Variants in SOX5 observed in about 807,000 individuals in gnomAD.
The protein encoded by SOX5 is SRY-box transcription factor 5.
SOX5 carries 9 observed loss-of-function variants against 92.0 expected under a neutral mutation model. The ratio of observed to expected loss-of-function variants is 0.10; its 90% confidence interval spans 0.06 to 0.17. SOX5 has a LOEUF of 0.17. SOX5 is among the 10% of genes least tolerant of loss of function. The pLI is 1.00. For synonymous variants in SOX5, 344 were observed against 336.3 expected, an observed-to-expected ratio of 1.02 and a Z score of -0.25; for missense variants, 642 against 944.5, an observed-to-expected ratio of 0.68 and a Z score of 4.20.
intron 4 of SOX5, among the ~76,000 whole-genome samples, chr12:24,116,060 CAAAGT>C (rs1320154050): frequency 1.3e-5 from 2 of 151,886 alleles, no homozygotes; most frequent in African/African-American, 4.8e-5. Context: ...GATTGAGAAG[CAAAGT>C]AAAGTAATAT....
chr12:24,483,118 T>C (rs1416759044), intron 1 of SOX5, among the ~76,000 whole-genome samples: 1 of 152,212 alleles, frequency 6.6e-6, no homozygotes, highest in Admixed American at 6.5e-5. Context: ...AACAAACCAC[T>C]CATTTGTTGA....
intron 2 of SOX5, among the ~76,000 whole-genome samples, chr12:24,353,289 G>A (rs776741243): frequency 1.3e-5 from 2 of 152,110 alleles, no homozygotes; most frequent in Non-Finnish European, 2.9e-5. Context: ...CCCTTTACTC[G>A]AACAACTGGG....
rs191672841 is a variant in SOX5, at chr12:23,529,603, C to A, written c.*4616G>T. ...AAATAAAATAAACAAAAAACAAAAA[C>A]GAAAAACAGGTTGGTGGCAACCCAC... On this transcript the variant is annotated 3_prime_UTR_variant, in exon 15 of 15. Transcript: ENST00000451604. 2.0e-5 allele frequency: 3 copies of A among 151,740 alleles called. No homozygotes were observed. The highest frequency in any genetic ancestry group is 4.4e-5 in the Non-Finnish European group (3 of 67,942). 9.4% of individuals were successfully genotyped at this position (151,740 alleles called of 1,614,324 possible).
intron 2 of SOX5, among the ~76,000 whole-genome samples, chr12:23,868,220 T>A (rs925353312): frequency 1.3e-5 from 2 of 152,076 alleles, no homozygotes; most frequent in African/African-American, 4.8e-5. Context: ...GTACATGCAA[T>A]GAACTGTTCT....
At chr12:24,391,237 C>G (rs185020273) in intron 1 of SOX5, among the ~76,000 whole-genome samples, 218 of 152,150 alleles carry the variant, frequency 1.4e-3, no homozygotes, top group Middle Eastern at 6.8e-3. Context: ...AAAAACGTTT[C>G]TTCATGTCCT....
intron 6 of SOX5, among the ~76,000 whole-genome samples, chr12:23,669,640 T>C (rs995739867): frequency 6.8e-4 from 74 of 109,356 alleles, no homozygotes; most frequent in African/African-American, 2.5e-3. Flanking sequence ...GAGTAATGGA[T>C]GAGGAGAAAA....
chr12:23,840,318 C>A (rs1485555773), intron 3 of SOX5, among the ~76,000 whole-genome samples: 1 of 152,068 alleles, frequency 6.6e-6, no homozygotes, highest in Non-Finnish European at 1.5e-5. Flanking sequence ...CTACAAAACT[C>A]ACCAGGAATC....
At chr12:24,176,273 G>A (rs1321185161) in intron 4 of SOX5, among the ~76,000 whole-genome samples, 1 of 151,992 alleles carries the variant, frequency 6.6e-6, no homozygotes, top group Non-Finnish European at 1.5e-5. Context: ...AGACTGCAGT[G>A]AGCCATGATC....
In SOX5 at chr12:23,692,642, T is replaced by C. The variant is rs1013188300; in HGVS notation, c.811-27078A>G. 5.9e-5 allele frequency among the ~76,000 whole-genome samples: 9 copies of C among 152,314 alleles called. 2 individuals carry two copies. The highest frequency in any genetic ancestry group is 1.5e-5 in the Non-Finnish European group (1 of 68,026). ...ATTTCGTTTCTAAATACTTATCTTC[T>C]AAATACTCAGTGCAGAGTTAGGTAG... On this transcript the variant is annotated intron_variant, in intron 6 of 14. Coordinates refer to ENST00000451604, the MANE Select transcript of SOX5 (RefSeq NM_006940.6).
At chr12:23,963,771 A>AAAAT (rs1947235658) in intron 4 of SOX5, among the ~76,000 whole-genome samples, 1 of 151,328 alleles carries the variant, frequency 6.6e-6, no homozygotes, top group Non-Finnish European at 1.5e-5. Context: ...GAAGTAAAAA[A>AAAAT]AAAAAAAAAA....
intron 8 of SOX5, among the ~76,000 whole-genome samples, chr12:23,633,846 G>C (rs886310177): frequency 6.6e-6 from 1 of 152,036 alleles, no homozygotes; most frequent in African/African-American, 2.4e-5. Context: ...CTCAAGTATT[G>C]TAACATTTGG....
chr12:24,028,835 A>G (rs1303240871), intron 4 of SOX5, among the ~76,000 whole-genome samples: 1 of 152,034 alleles, frequency 6.6e-6, no homozygotes, highest in Non-Finnish European at 1.5e-5. Context: ...ACTAATTAGT[A>G]GCAAACATCT....
intron 4 of SOX5, among the ~76,000 whole-genome samples, chr12:24,134,711 G>A (rs1949959584): frequency 1.3e-5 from 2 of 152,076 alleles, no homozygotes; most frequent in South Asian, 4.2e-4. Flanking sequence ...TGGGAGAATT[G>A]AACAAAAACA....
intron 1 of SOX5, among the ~76,000 whole-genome samples, chr12:23,903,848 T>C (rs1224777858): frequency 6.6e-6 from 1 of 152,210 alleles, no homozygotes; most frequent in Non-Finnish European, 1.5e-5. Flanking sequence ...TAAAGATTGT[T>C]TCACAATAGA....
intron 4 of SOX5, among the ~76,000 whole-genome samples, chr12:24,190,475 T>C (rs1392423632): frequency 6.6e-6 from 1 of 152,212 alleles, no homozygotes; most frequent in Non-Finnish European, 1.5e-5. Flanking sequence ...ATTGCTCTTT[T>C]CCTATATGAT....
At chr12:24,215,398 G>A (rs1190157808) in intron 3 of SOX5, among the ~76,000 whole-genome samples, 1 of 152,110 alleles carries the variant, frequency 6.6e-6, no homozygotes, top group Non-Finnish European at 1.5e-5. Context: ...AACAAGTTCA[G>A]TAAGGTTGCA....
chr12:23,567,431 G>A lies in SOX5; in HGVS notation c.1343-4028C>T, dbSNP rs1393954662. ...TAATGTAAGAAATTTGTGAGATTCTGTAACTTTGTTAAATTCACTATAATT... is the reference window on the plus strand; with the variant it reads ...TAATGTAAGAAATTTGTGAGATTCTATAACTTTGTTAAATTCACTATAATT... On this transcript the variant is annotated intron_variant, in intron 10 of 14. Transcript: ENST00000451604. Among the ~76,000 whole-genome samples, 8 of 144,910 alleles carry A rather than the reference G, an allele frequency of 5.5e-5. No individual in the cohort carries two copies. The East Asian group carries it at 1.4e-3, about 26-fold the overall frequency.
chr12:23,670,165 CAAACA>C (rs2084532414), intron 6 of SOX5, among the ~76,000 whole-genome samples: 1 of 151,978 alleles, frequency 6.6e-6, no homozygotes, highest in African/African-American at 2.4e-5. Flanking sequence ...TTGTGAAAAA[CAAACA>C]AAACAAAAAG....
At chr12:23,859,365 A>T (rs1207767408) in intron 2 of SOX5, among the ~76,000 whole-genome samples, 2 of 152,180 alleles carry the variant, frequency 1.3e-5, no homozygotes, top group Non-Finnish European at 2.9e-5. Context: ...TGTTTGTCTT[A>T]TGCAGTTGAG....
Sources: allele counts gnomAD v4.1 joint callset (sites outside exome capture counted in the v4.1 genomes callset), GRCh38; gene constraint gnomAD v4.1.1; transcripts MANE v1.5; gene names NCBI Gene and HGNC (gene_info 2026-07-23, HGNC 2026-07-21).